ADAMTS6: variants seen among roughly 807,000 people sequenced by gnomAD.
ADAMTS6 encodes the protein ADAM metallopeptidase with thrombospondin type 1 motif 6.
In ADAMTS6, 23 loss-of-function variants were observed where a neutral mutation model predicts 144.3. The observed-to-expected ratio is 0.16, with a 90% CI of 0.11 to 0.23. ADAMTS6 has a LOEUF of 0.23. Among genes scored for constraint, ADAMTS6 ranks in the 10% least tolerant of loss-of-function variants. The probability of loss-of-function intolerance (pLI) is 1.00; values close to 1 mark genes in which losing one functional copy is unlikely to be tolerated. For synonymous variants in ADAMTS6, 444 were observed against 457.5 expected (o/e 0.97, Z 0.38); for missense variants, 999 against 1,379.6 (o/e 0.72, Z 4.37).
At position 65,203,822 on chromosome 5, in the gene ADAMTS6, A is replaced by G. The variant is rs555948546; in HGVS notation, c.2576-6671T>C. Reference sequence around the variant, plus strand: ...TATGCATTCAAACATGTAAAGATGAATAATGTTATGACTGTTAAAAATACT... The same window carrying G: ...TATGCATTCAAACATGTAAAGATGAGTAATGTTATGACTGTTAAAAATACT... On this transcript the variant is annotated intron_variant, in intron 20 of 24. Coordinates refer to ENST00000381055, the MANE Select transcript of ADAMTS6 (RefSeq NM_197941.4). Among the ~76,000 whole-genome samples the G allele has an allele frequency of 2.0e-5, 3 of 152,334 alleles. No homozygotes were observed. In the South Asian group the frequency reaches 6.2e-4, roughly 32 times the overall value.
chr5:65,363,843 A>G (rs1750055224), intron 7 of ADAMTS6, among the ~76,000 whole-genome samples: 1 of 152,220 alleles, frequency 6.6e-6, no homozygotes, highest in Non-Finnish European at 1.5e-5. Flanking sequence ...ATCAAAATAA[A>G]TCACCAACTA....
At chr5:65,473,485 A>G in intron 2 of ADAMTS6, 92 bp downstream of exon 2, 1 of 1,152,456 alleles carries the variant, frequency 8.7e-7, no homozygotes, top group Non-Finnish European at 1.3e-6. Context: ...CATATCCCAA[A>G]AAAAACTATC....
intron 7 of ADAMTS6, among the ~76,000 whole-genome samples, chr5:65,341,958 C>G (rs1421245050): frequency 2.0e-5 from 3 of 151,966 alleles, no homozygotes; most frequent in Non-Finnish European, 4.4e-5. Context: ...AGTGGCAAAC[C>G]AAATACAACA....
Position 65,416,048 on chromosome 5 carries a change from C to T in ADAMTS6, c.1073+35427G>A, listed in dbSNP as rs534083182. 27 of 188,096 alleles carry T rather than the reference C, an allele frequency of 1.4e-4. No individual in the cohort carries two copies. The East Asian group carries it at 2.0e-3, about 14-fold the overall frequency. The allele number at this position is 188,096 out of a possible 1,614,324, so 11.7% of individuals were successfully genotyped here. On this transcript the variant is annotated intron_variant, in intron 7 of 24. Coordinates refer to ENST00000381055, the MANE Select transcript of ADAMTS6 (RefSeq NM_197941.4). ...GCTGCATGGCCACCCTGGGCAATTT[C>T]GCCAAGGCCAACTTCAATGACATCT...
intron 7 of ADAMTS6, among the ~76,000 whole-genome samples, chr5:65,373,095 CGT>C (rs1554078744): frequency 6.6e-6 from 1 of 151,874 alleles, no homozygotes; most frequent in Non-Finnish European, 1.5e-5. Context: ...ATCTCTGGGA[CGT>C]ATTCAAAGCA....
intron 7 of ADAMTS6, among the ~76,000 whole-genome samples, chr5:65,380,332 G>A (rs1751938291): frequency 6.6e-6 from 1 of 152,076 alleles, no homozygotes; most frequent in African/African-American, 2.4e-5. Context: ...AGCACTTTGG[G>A]AGGCCAAGGT....
chr5:65,283,169 GT>G (rs1763116211), intron 11 of ADAMTS6, among the ~76,000 whole-genome samples: 1 of 152,028 alleles, frequency 6.6e-6, no homozygotes, highest in South Asian at 2.1e-4. Flanking sequence ...GCTTAGAAAG[GT>G]TACTTATCAT....
chr5:65,422,131 A>G (rs2150200840), intron 7 of ADAMTS6, among the ~76,000 whole-genome samples: 1 of 152,346 alleles, frequency 6.6e-6, no homozygotes, highest in Non-Finnish European at 1.5e-5. Context: ...TCCCATTAAA[A>G]GGTGGGCAAA....
chr5:65,279,847 A>C (rs1762854780), intron 11 of ADAMTS6, among the ~76,000 whole-genome samples: 1 of 152,148 alleles, frequency 6.6e-6, no homozygotes, highest in Non-Finnish European at 1.5e-5. Flanking sequence ...TTGGATCATT[A>C]ATCTTCCTAT....
intron 15 of ADAMTS6, 59 bp downstream of exon 15, chr5:65,242,045 A>G: frequency 2.6e-6 from 3 of 1,170,200 alleles, no homozygotes; most frequent in South Asian, 3.3e-5. Flanking sequence ...ATATATTTGT[A>G]TATTCTTTGA....
intron 9 of ADAMTS6, among the ~76,000 whole-genome samples, chr5:65,317,152 C>T (rs1745084903): frequency 6.6e-6 from 1 of 152,096 alleles, no homozygotes; most frequent in South Asian, 2.1e-4. Context: ...ACTTAAAATA[C>T]TTGAAGCAAA....
At position 65,470,895 on chromosome 5, in the gene ADAMTS6, A is replaced by G. The variant is rs768298705; in HGVS notation, c.345T>C (p.Tyr115=). The G allele has an allele frequency of 4.3e-5, 69 of 1,611,966 alleles. No individual in the cohort carries two copies. The highest frequency in any genetic ancestry group is 5.1e-5 in the Admixed American group (3 of 59,394). ...DFVSKHFTVE[Y]WGKDGPQWKH... ...TCCACTGGGGTCCATCTTTCCCCCA[A>G]TATTCTACTGTAAAATGTTTGGACA... Residue 115 remains tyrosine, a synonymous_variant, in exon 3 of 25, where the codon TAT becomes TAC. Transcript: ENST00000381055.
At position 65,321,492 on chromosome 5, in the gene ADAMTS6, C is replaced by G. The variant is rs528416043; in HGVS notation, c.1223+7886G>C. On this transcript the variant is annotated intron_variant, in intron 9 of 24. Transcript: ENST00000381055. ...AATTTTCTCCCATTCTGTACACTGT[C>G]TGTTTGCTCTGTTGGTAGTTTCTTT... Among the ~76,000 whole-genome samples, 6 of 152,090 alleles carry G rather than the reference C, an allele frequency of 3.9e-5. No homozygotes were observed. The East Asian group carries it at 1.2e-3, about 29-fold the overall frequency.
chr5:65,346,249 C>T lies in ADAMTS6; in HGVS notation c.1074-12164G>A, dbSNP rs541573281. 9.2e-5 allele frequency among the ~76,000 whole-genome samples: 14 copies of T among 151,770 alleles called. 1 individual carries two copies. Among genetic ancestry groups the T allele is most frequent in the African/African-American group, 3.4e-4 (14 of 41,466 alleles). ...AGATGCAAAATTCCTCAACAGAAAA[C>T]CAAATTCAACAGCACCTTAAAGGAA... On this transcript the variant is annotated intron_variant, in intron 7 of 24. Transcript: ENST00000381055.
intron 14 of ADAMTS6, among the ~76,000 whole-genome samples, chr5:65,245,890 G>C (rs1759588993): frequency 6.6e-6 from 1 of 151,998 alleles, no homozygotes; most frequent in Non-Finnish European, 1.5e-5. Flanking sequence ...TGGCCTGAGA[G>C]GTACAATTTG....
chr5:65,278,293 C>T (rs1181893862), intron 11 of ADAMTS6, among the ~76,000 whole-genome samples: 3 of 152,152 alleles, frequency 2.0e-5, no homozygotes, highest in African/African-American at 7.2e-5. Flanking sequence ...TATACATATA[C>T]GTGTGCAAGA....
intron 24 of ADAMTS6, among the ~76,000 whole-genome samples, chr5:65,167,575 A>C (rs1408402060): frequency 7.1e-6 from 1 of 140,682 alleles, no homozygotes. Flanking sequence ...GCAGAGACAC[A>C]ACCAAAAAAG....
At chr5:65,258,355 A>C (rs1760876046) in intron 14 of ADAMTS6, among the ~76,000 whole-genome samples, 1 of 152,152 alleles carries the variant, frequency 6.6e-6, no homozygotes, top group Non-Finnish European at 1.5e-5. Flanking sequence ...TGTTTAAGGA[A>C]GGGGACCTAT....
chr5:65,245,089 T>C (rs767320209), intron 14 of ADAMTS6, among the ~76,000 whole-genome samples: 1 of 152,204 alleles, frequency 6.6e-6, no homozygotes, highest in Non-Finnish European at 1.5e-5. Context: ...ATTTACTTCC[T>C]AGGCAACATA....
Sources: allele counts gnomAD v4.1 joint callset (sites outside exome capture counted in the v4.1 genomes callset), GRCh38; gene constraint gnomAD v4.1.1; transcripts MANE v1.5; gene names NCBI Gene and HGNC (gene_info 2026-07-23, HGNC 2026-07-21).